The following NTNG1 variants were observed in gnomAD, a reference collection of about 807,000 sequenced individuals.
The protein encoded by NTNG1 is netrin G1.
NTNG1 carries 16 observed loss-of-function variants against 54.0 expected under a neutral mutation model. The ratio of observed to expected loss-of-function variants is 0.30; its 90% CI spans 0.20 to 0.45. NTNG1 has a LOEUF of 0.45. Ranked by LOEUF, NTNG1 falls within the 20% of genes least tolerant of loss-of-function variation. The pLI, the probability that NTNG1 is intolerant of heterozygous loss-of-function variation, is 1.00. For missense variants in NTNG1, 530 were observed against 678.7 expected (o/e 0.78, Z 2.43); for synonymous variants, 255 against 263.1 (o/e 0.97, Z 0.30).
At chr1:107,253,265 C>A (rs1482472337) in intron 2 of NTNG1, among the ~76,000 whole-genome samples, 1 of 152,156 alleles carries the variant, frequency 6.6e-6, no homozygotes, top group East Asian at 1.9e-4. Flanking sequence ...GTTATAAATG[C>A]AGTCTGGTGA....
chr1:107,393,396 C>A (rs1672484634), intron 3 of NTNG1, among the ~76,000 whole-genome samples: 7 of 152,112 alleles, frequency 4.6e-5, no homozygotes, highest in Admixed American at 4.6e-4. Context: ...CAACCTAGCA[C>A]AAGTAATTCC....
At chr1:107,292,044 G>A (rs1475898365) in intron 2 of NTNG1, among the ~76,000 whole-genome samples, 4 of 151,968 alleles carry the variant, frequency 2.6e-5, no homozygotes, top group African/African-American at 9.7e-5. Flanking sequence ...AAGCGAGGAA[G>A]GCAATGGGTT....
chr1:107,289,190 T>C (rs1317000615), intron 2 of NTNG1, among the ~76,000 whole-genome samples: 2 of 152,118 alleles, frequency 1.3e-5, no homozygotes, highest in Non-Finnish European at 2.9e-5. Flanking sequence ...ACTTCTCTCT[T>C]TTTACAACGG....
intron 3 of NTNG1, among the ~76,000 whole-genome samples, chr1:107,379,743 A>T (rs75509076): frequency 0.051 from 7,733 of 152,272 alleles, 257 homozygotes; most frequent in East Asian, 0.088. Flanking sequence ...ACAACCTAAT[A>T]ATGTAGGTAC....
At chr1:107,413,263 C>T (rs189096791) in intron 5 of NTNG1, among the ~76,000 whole-genome samples, 1 of 151,552 alleles carries the variant, frequency 6.6e-6, no homozygotes, top group Non-Finnish European at 1.5e-5. Context: ...CCTGGGTTCA[C>T]GCCATTCTCC....
intron 2 of NTNG1, among the ~76,000 whole-genome samples, chr1:107,318,853 C>T (rs913074208): frequency 1.4e-4 from 22 of 152,148 alleles, no homozygotes; most frequent in African/African-American, 4.8e-4. Context: ...GATTGCACTA[C>T]ATGGCCATTA....
intron 5 of NTNG1, among the ~76,000 whole-genome samples, chr1:107,412,681 T>A (rs673205): frequency 1.3e-5 from 2 of 152,072 alleles, no homozygotes; most frequent in Admixed American, 6.5e-5. Context: ...TGTTGTCACC[T>A]GGAGAACTTA....
chr1:107,425,108 A>C (rs1674811060), intron 5 of NTNG1, among the ~76,000 whole-genome samples: 1 of 152,028 alleles, frequency 6.6e-6, no homozygotes, highest in Non-Finnish European at 1.5e-5. Context: ...TTCAAATGAG[A>C]CTTGTTTCTA....
chr1:107,470,459 C>A (rs749571383), intron 7 of NTNG1, among the ~76,000 whole-genome samples: 1 of 152,154 alleles, frequency 6.6e-6, no homozygotes, highest in Non-Finnish European at 1.5e-5. Flanking sequence ...CATTTTGGTA[C>A]AATTGATTGT....
At chr1:107,214,545 A>G (rs1295046771) in intron 2 of NTNG1, among the ~76,000 whole-genome samples, 3 of 152,176 alleles carry the variant, frequency 2.0e-5, no homozygotes. Context: ...GGCTGGTTGC[A>G]TATTTTTGCA....
intron 3 of NTNG1, among the ~76,000 whole-genome samples, chr1:107,350,537 A>T (rs1669539397): frequency 6.6e-6 from 1 of 152,174 alleles, no homozygotes; most frequent in African/African-American, 2.4e-5. Flanking sequence ...AGATATCTGC[A>T]CTCCCTTGTT....
chr1:107,262,899 C>T (rs1663449475), intron 2 of NTNG1, among the ~76,000 whole-genome samples: 1 of 152,136 alleles, frequency 6.6e-6, no homozygotes, highest in Admixed American at 6.5e-5. Flanking sequence ...TATTCTTAGC[C>T]GTGAACATCT....
intron 6 of NTNG1, among the ~76,000 whole-genome samples, chr1:107,434,250 T>C (rs1675459585): frequency 6.6e-6 from 1 of 152,236 alleles, no homozygotes; most frequent in Admixed American, 6.5e-5. Flanking sequence ...AATACTTGCA[T>C]CATTTTATAT....
intron 2 of NTNG1, among the ~76,000 whole-genome samples, chr1:107,212,324 A>G (rs542928104): frequency 6.6e-6 from 1 of 152,174 alleles, no homozygotes; most frequent in Non-Finnish European, 1.5e-5. Flanking sequence ...ACTCTTTGCC[A>G]GAGACTGTAC....
At chr1:107,237,161 A>C (rs1661468843) in intron 2 of NTNG1, among the ~76,000 whole-genome samples, 1 of 152,146 alleles carries the variant, frequency 6.6e-6, no homozygotes. Flanking sequence ...TCTTAGATGG[A>C]GATGAGGAAC....
chr1:107,227,144 T>G (rs1200830798), intron 2 of NTNG1, among the ~76,000 whole-genome samples: 1 of 152,094 alleles, frequency 6.6e-6, no homozygotes, highest in Non-Finnish European at 1.5e-5. Flanking sequence ...CTATGGGCAA[T>G]TATTTAATCT....
At chr1:107,416,920 T>A (rs1674250880) in intron 5 of NTNG1, among the ~76,000 whole-genome samples, 1 of 152,084 alleles carries the variant, frequency 6.6e-6, no homozygotes, top group South Asian at 2.1e-4. Flanking sequence ...TACAAATACA[T>A]TTTTATGTAA....
intron 2 of NTNG1, among the ~76,000 whole-genome samples, chr1:107,183,701 T>A (rs1657238067): frequency 6.6e-6 from 1 of 152,154 alleles, no homozygotes; most frequent in African/African-American, 2.4e-5. Context: ...ATGGAAGTCA[T>A]ACTGAGGTTT....
intron 2 of NTNG1, among the ~76,000 whole-genome samples, chr1:107,287,346 T>G (rs997929448): frequency 6.6e-6 from 1 of 152,220 alleles, no homozygotes; most frequent in African/African-American, 2.4e-5. Context: ...TGATTAGGTG[T>G]AACACAGAAT....
Sources: gnomAD v4.1 joint callset for allele counts (sites outside exome capture counted in the v4.1 genomes callset) on GRCh38, gnomAD v4.1.1 for gene constraint, MANE v1.5 for transcripts, NCBI Gene and HGNC (gene_info 2026-07-23, HGNC 2026-07-21) for gene names.